ZNF888: variants seen among roughly 807,000 people sequenced by gnomAD.
The protein encoded by ZNF888 is zinc finger protein 888.
Under a neutral mutation model 7.2 loss-of-function variants are expected in ZNF888, and 5 were observed. The observed-to-expected ratio is 0.70, with a 90% CI of 0.36 to 1.46. ZNF888 has a LOEUF of 1.46. ZNF888 is among the 40% of genes most tolerant of loss of function. The pLI, the probability that ZNF888 is intolerant of heterozygous loss-of-function variation, is 0.03. For synonymous variants in ZNF888, 240 were observed against 284.3 expected (o/e 0.84, Z 1.57); for missense variants, 716 against 858.0 (o/e 0.83, Z 2.07).
At position 52,907,752 on chromosome 19, in the gene ZNF888, G is replaced by C. The variant is rs1463914526; in HGVS notation, c.570C>G (p.Asn190Lys). Reference sequence around the variant, plus strand: ...AAGAATGGAAGAAATTATTCCCATAGTTATTAGAAATATGGGTTTTGGGCC... The same window carrying C: ...AAGAATGGAAGAAATTATTCCCATACTTATTAGAAATATGGGTTTTGGGCC... ...SCRPKTHISN[N>K]YGNNFFHSSL... Residue 190 changes from asparagine (N) to lysine (K), a missense_variant, in exon 5 of 5, where the codon AAC (asparagine) becomes AAG (lysine). By Grantham distance (94) the Asn-to-Lys change is moderately conservative. Transcript: ENST00000638862. The C allele has an allele frequency of 1.2e-6, 2 of 1,613,874 alleles. No homozygotes were observed. The highest frequency in any genetic ancestry group is 2.2e-5 in the East Asian group (1 of 44,888).
Position 52,919,492 on chromosome 19 carries a change from T to C in ZNF888, c.-177-555A>G, listed in dbSNP as rs1202024353. 4.3e-5 allele frequency among the ~76,000 whole-genome samples: 3 copies of C among 70,248 alleles called. 1 individual carries two copies. The highest frequency in any genetic ancestry group is 1.4e-4 in the African/African-American group (3 of 22,216). 46.1% of individuals were successfully genotyped at this position (70,248 alleles called of 152,430 possible). A position where few individuals can be genotyped will look rare whatever the true frequency, so the allele number is the denominator to read the frequency against. ...GTGCCCAGGCTGGAGTGCAGTGGCG[T>C]GATCTCCGCTCGCTACAACCTCCAC... On this transcript the variant is annotated intron_variant, in intron 1 of 4. Coordinates refer to ENST00000638862, the MANE Select transcript of ZNF888 (RefSeq NM_001393938.1).
chr19:52,922,820 AG>A (rs1237114676), intron 1 of ZNF888, among the ~76,000 whole-genome samples: 1 of 152,164 alleles, frequency 6.6e-6, no homozygotes, highest in Non-Finnish European at 1.5e-5. Context: ...GTCACAGGAC[AG>A]GCCCCGGGTA....
intron 2 of ZNF888, among the ~76,000 whole-genome samples, chr19:52,918,490 T>G (rs1240928987): frequency 1.3e-5 from 2 of 152,034 alleles, no homozygotes; most frequent in African/African-American, 4.8e-5. Flanking sequence ...AAAAATTGGG[T>G]CAGGTGCAAT....
chr19:52,916,599 C>CATACATATACATATACAT (rs201491425), intron 3 of ZNF888, among the ~76,000 whole-genome samples: 37 of 93,472 alleles, frequency 4.0e-4, no homozygotes, highest in African/African-American at 1.3e-3. Flanking sequence ...GTATTATATA[C>CATACATATACATATACAT]ATACATATAC....
rs2064768407 is a variant in ZNF888, at chr19:52,917,758, G to C, written c.15+101C>G. On this transcript the variant is annotated intron_variant, in intron 3 of 4. Transcript: ENST00000638862. The stretch of plus-strand genomic sequence containing the variant: ...GGCATGGGTGAGTGTGAGCAAACCT[G>C]TCACGCAGGATGCTTCAGACTCAGA... The C allele has an allele frequency of 1.9e-6, 3 of 1,587,960 alleles. No individual in the cohort carries two copies. In the African/African-American group the frequency reaches 4.0e-5, roughly 21 times the overall value.
In ZNF888 at chr19:52,905,748, C is replaced by A; in HGVS notation, c.*417G>T. ...GATGGTTTGCTATACTCATTGCATTCGGAACTATTATCTCAAAAATAAATT... is the reference window on the plus strand; with the variant it reads ...GATGGTTTGCTATACTCATTGCATTAGGAACTATTATCTCAAAAATAAATT... On this transcript the variant is annotated 3_prime_UTR_variant, in exon 5 of 5. Coordinates refer to ENST00000638862, the MANE Select transcript of ZNF888 (RefSeq NM_001393938.1). 1 of 520,784 alleles carries A rather than the reference C, an allele frequency of 1.9e-6. No homozygotes were observed. The highest frequency in any genetic ancestry group is 1.6e-5 in the South Asian group (1 of 63,842). 32.3% of individuals were successfully genotyped at this position (520,784 alleles called of 1,614,324 possible).
At chr19:52,923,017 A>G (rs934002531) in intron 1 of ZNF888, among the ~76,000 whole-genome samples, 7 of 152,228 alleles carry the variant, frequency 4.6e-5, no homozygotes, top group African/African-American at 1.7e-4. Flanking sequence ...GCTGGGCTCC[A>G]GGGGCCGACG....
chr19:52,912,121 TA>T (rs2064688714), intron 4 of ZNF888, among the ~76,000 whole-genome samples: 1 of 123,732 alleles, frequency 8.1e-6, no homozygotes, highest in South Asian at 2.4e-4. Flanking sequence ...CCTTTATTTT[TA>T]TTTTTTTTTG....
chr19:52,907,430 A>C lies in ZNF888; in HGVS notation c.892T>G (p.Tyr298Asp). 1 of 1,611,610 alleles carries C rather than the reference A, an allele frequency of 6.2e-7. No individual in the cohort carries two copies. The highest frequency in any genetic ancestry group is 8.5e-7 in the Non-Finnish European group (1 of 1,178,726). ...GTCTTGCCACACTCATTACACTTGT[A>C]AGGTTTTTCTCCAGTATGACGTCTA... is the stretch of plus-strand genomic sequence containing the variant. Reference protein sequence around the residue: ...HYRRHTGEKPYKCNECGKTFS... With the variant: ...HYRRHTGEKPDKCNECGKTFS... Residue 298 changes from tyrosine (Y) to aspartate (D), a missense_variant, in exon 5 of 5, where the codon TAC becomes GAC. Physicochemically the swap from Tyr to Asp is radical, Grantham distance 160. Around this residue, in one of 2 missense-constraint regions of ZNF888, gnomAD observed 697 missense variants for 803.4 expected, o/e 0.87. Coordinates refer to ENST00000638862, the MANE Select transcript of ZNF888 (RefSeq NM_001393938.1).
At chr19:52,914,009 C>T (rs1039251013) in intron 4 of ZNF888, among the ~76,000 whole-genome samples, 2 of 152,132 alleles carry the variant, frequency 1.3e-5, no homozygotes, top group Non-Finnish European at 2.9e-5. Context: ...CCTGCAGTCC[C>T]AGCTACCCAG....
intron 4 of ZNF888, among the ~76,000 whole-genome samples, chr19:52,909,311 A>T (rs930830300): frequency 4.0e-5 from 6 of 151,182 alleles, no homozygotes; most frequent in African/African-American, 1.5e-4. Context: ...GCAGTGGCAC[A>T]ATCTGGGCTC....
Position 52,907,789 on chromosome 19 carries a change from C to A in ZNF888, c.533G>T (p.Arg178Ile). The change falls in exon 5 of 5, where the codon AGA becomes ATA. Residue 178 changes from arginine to isoleucine, a missense_variant. Arg to Ile is a moderately conservative substitution (Grantham distance 97). Around this residue, in one of 2 missense-constraint regions of ZNF888, gnomAD observed 697 missense variants for 803.4 expected, o/e 0.87. Coordinates refer to ENST00000638862, the MANE Select transcript of ZNF888 (RefSeq NM_001393938.1). ...NNASSVSTSQ[R>I]ISCRPKTHIS... ...ATGGGTTTTGGGCCTACAAGAAATTCTTTGGGATGTTGAAACTGAGGAAGC... is the reference window on the plus strand; with the variant it reads ...ATGGGTTTTGGGCCTACAAGAAATTATTTGGGATGTTGAAACTGAGGAAGC... The A allele has an allele frequency of 2.5e-6, 4 of 1,614,076 alleles. No homozygotes were observed. Among genetic ancestry groups the A allele is most frequent in the Admixed American group, 1.7e-5 (1 of 60,006 alleles).
At chr19:52,922,864 C>A (rs2064838042) in intron 1 of ZNF888, among the ~76,000 whole-genome samples, 1 of 152,060 alleles carries the variant, frequency 6.6e-6, no homozygotes, top group Admixed American at 6.6e-5. Context: ...AAAGCGGTGA[C>A]TGCGGAGGGG....
At position 52,906,839 on chromosome 19, in the gene ZNF888, T is replaced by C; in HGVS notation, c.1483A>G (p.Lys495Glu). 1 of 1,613,346 alleles carries C rather than the reference T, an allele frequency of 6.2e-7. No homozygotes were observed. The highest frequency in any genetic ancestry group is 8.5e-7 in the Non-Finnish European group (1 of 1,179,738). ...AAAGCCTTGTCACAAACCTTACATT[T>C]GTATGGTTTCTCACCAGTGTGAATT... is the stretch of plus-strand genomic sequence containing the variant. ...RRIHTGEKPY[K>E]CKVCDKAFRR... The change falls in exon 5 of 5, where the codon AAA becomes GAA. Residue 495 changes from lysine to glutamate, a missense_variant. This residue lies in a region of ZNF888 where 697 missense variants were observed against 803.4 expected (regional missense o/e 0.87). Transcript: ENST00000638862.
chr19:52,921,761 C>G (rs938922573), intron 1 of ZNF888: 5 of 460,276 alleles, frequency 1.1e-5, no homozygotes. Flanking sequence ...AACCCCGTTT[C>G]TACTGAAAAT....
chr19:52,916,637 TATATAG>T (rs1568747451), intron 3 of ZNF888, among the ~76,000 whole-genome samples: 3 of 70,428 alleles, frequency 4.3e-5, no homozygotes, highest in Non-Finnish European at 6.0e-5. Flanking sequence ...TATATATATA[TATATAG>T]GTTTTAAATA....
At chr19:52,921,719 G>A in intron 1 of ZNF888, 1 of 881,860 alleles carries the variant, frequency 1.1e-6, no homozygotes, top group Non-Finnish European at 1.4e-6. Context: ...CCTGAGTTCA[G>A]CAATTGTAGA....
At position 52,906,205 on chromosome 19, in the gene ZNF888, A is replaced by G. The variant is rs187081513; in HGVS notation, c.2117T>C (p.Ile706Thr). 294 of 1,610,852 alleles carry G rather than the reference A, an allele frequency of 1.8e-4. No homozygotes were observed. In the Admixed American group the frequency reaches 4.2e-3, roughly 23 times the overall value. The change falls in exon 5 of 5, where the codon ATT (isoleucine) becomes ACT (threonine). Residue 706 changes from isoleucine to threonine, a missense_variant. By Grantham distance (89) the Ile-to-Thr change is moderately conservative. Coordinates refer to ENST00000638862, the MANE Select transcript of ZNF888 (RefSeq NM_001393938.1). ...TACACCATGGATTGCCTGATGGTGA[A>G]TAAGTGTTGACTGTGCACGAAAGGC... ...GKAFRAQSTL[I>T]HHQAIHGVGK... is the part of the protein sequence containing the mutation.
intron 4 of ZNF888, among the ~76,000 whole-genome samples, chr19:52,909,135 A>AC (rs11423633): frequency 0.14 from 21,398 of 150,746 alleles, 2,710 homozygotes; most frequent in African/African-American, 0.34. Context: ...AAAAAGTGAG[A>AC]CTCCATCTCA....
Sources: gnomAD v4.1 joint callset for allele counts (sites outside exome capture counted in the v4.1 genomes callset) on GRCh38, gnomAD v4.1.1 for gene constraint, gnomAD v4.1.1 regional missense constraint, MANE v1.5 for transcripts, NCBI Gene and HGNC (gene_info 2026-07-23, HGNC 2026-07-21) for gene names.